BTBD3: variants seen among roughly 807,000 people sequenced by gnomAD.
The protein encoded by BTBD3 is BTB/POZ domain-containing protein 3.
BTBD3 carries 14 observed loss-of-function variants against 41.6 expected under a neutral mutation model. The ratio of observed to expected loss-of-function variants is 0.34; its 90% CI spans 0.22 to 0.53. The LOEUF (loss-of-function observed/expected upper bound fraction) is 0.53. BTBD3 is among the 20% of genes least tolerant of loss of function. The pLI, the probability that BTBD3 is intolerant of heterozygous loss-of-function variation, is 0.95. For missense variants in BTBD3, 426 were observed against 654.7 expected, an observed-to-expected ratio of 0.65 and a Z score of 3.81; for synonymous variants, 249 against 233.7, an observed-to-expected ratio of 1.07 and a Z score of -0.60.
chr20:11,891,452 CT>C (rs1228584763), intron 1 of BTBD3: 1 of 151,858 alleles, frequency 6.6e-6, no homozygotes, highest in East Asian at 2.0e-4. Flanking sequence ...CCCTAAGTAA[CT>C]TTCCTGAGGC....
At chr20:11,911,217 T>C (rs1415322783) in intron 1 of BTBD3, among the ~76,000 whole-genome samples, 1 of 152,070 alleles carries the variant, frequency 6.6e-6, no homozygotes, top group East Asian at 1.9e-4. Flanking sequence ...TTCAGAGATG[T>C]TAAAGTGGCG....
upstream of BTBD3, chr20:11,913,243 G>A (rs1052953996): frequency 2.6e-5 from 4 of 152,186 alleles, no homozygotes; most frequent in Non-Finnish European, 5.9e-5. Context: ...AACAAGAGTT[G>A]CCAGCATTAT....
intron 1 of BTBD3, chr20:11,891,453 T>C (rs1274507075): frequency 1.3e-5 from 2 of 151,362 alleles, no homozygotes; most frequent in African/African-American, 2.4e-5. Context: ...CCTAAGTAAC[T>C]TTCCTGAGGC....
upstream of BTBD3, among the ~76,000 whole-genome samples, chr20:11,913,921 A>C (rs1346327502): frequency 6.6e-6 from 1 of 152,208 alleles, no homozygotes; most frequent in East Asian, 1.9e-4. Flanking sequence ...AATCAACTGA[A>C]ACACACTATT....
chr20:11,924,736 T>C lies in BTBD3; in HGVS notation c.*1070T>C, dbSNP rs1357050391. 1 of 152,664 alleles carries C rather than the reference T, an allele frequency of 6.6e-6. No individual in the cohort carries two copies. Among genetic ancestry groups the C allele is most frequent in the Non-Finnish European group, 1.5e-5 (1 of 68,042 alleles). The allele number at this position is 152,664 out of a possible 1,614,324, so 9.5% of individuals were successfully genotyped here. On this transcript the variant is annotated 3_prime_UTR_variant, in exon 4 of 4. Transcript: ENST00000378226. ...TTTTAAATTTGAAATATACTTTACC[T>C]GATCCACTTTGATTGTATACTATAT...
chr20:11,894,859 G>T (rs2056777248), intron 1 of BTBD3, among the ~76,000 whole-genome samples: 2 of 152,166 alleles, frequency 1.3e-5, no homozygotes, highest in African/African-American at 4.8e-5. Context: ...TGGGGAGGAA[G>T]ACTAAGGCGT....
intron 1 of BTBD3, among the ~76,000 whole-genome samples, chr20:11,891,974 T>C (rs2056757449): frequency 6.6e-6 from 1 of 152,180 alleles, no homozygotes; most frequent in Admixed American, 6.5e-5. Flanking sequence ...ACACAGTGTA[T>C]TTTTTAAAGA....
At chr20:11,921,016 C>T (rs184761218) in intron 3 of BTBD3, among the ~76,000 whole-genome samples, 24 of 152,302 alleles carry the variant, frequency 1.6e-4, no homozygotes, top group Admixed American at 3.3e-4. Flanking sequence ...GTAAACTAAT[C>T]TGCTACTTTT....
rs138358786 is a variant in BTBD3 at position 11,906,852 on chromosome 20, C to G, written c.-125-11482C>G. Among the ~76,000 whole-genome samples, 901 of 152,270 alleles carry G rather than the reference C, an allele frequency of 5.9e-3. 3 individuals are homozygous for G. Among genetic ancestry groups the G allele is most frequent in the Non-Finnish European group, 0.01 (698 of 68,014 alleles). ...TACTTTGTTTGAAGACTGGGTGTGTCTAATGTAGTGGAAATTCATCGATTC... is the reference window on the plus strand; with the variant it reads ...TACTTTGTTTGAAGACTGGGTGTGTGTAATGTAGTGGAAATTCATCGATTC... On this transcript the variant is annotated intron_variant, in intron 1 of 4. Coordinates refer to the BTBD3 transcript ENST00000254977.
chr20:11,920,191 G>A (rs1397566057), intron 3 of BTBD3, among the ~76,000 whole-genome samples: 3 of 152,188 alleles, frequency 2.0e-5, no homozygotes, highest in Admixed American at 2.0e-4. Context: ...TTAAACAAAT[G>A]TTTTTGCTTC....
intron 1 of BTBD3, among the ~76,000 whole-genome samples, chr20:11,895,946 GTTCT>G (rs1480044154): frequency 1.3e-5 from 2 of 152,130 alleles, no homozygotes; most frequent in East Asian, 3.9e-4. Flanking sequence ...TTCCATTACA[GTTCT>G]TTAAGTCCTT....
At chr20:11,895,545 C>G (rs2056781702) in intron 1 of BTBD3, among the ~76,000 whole-genome samples, 2 of 152,238 alleles carry the variant, frequency 1.3e-5, no homozygotes, top group Admixed American at 1.3e-4. Flanking sequence ...AAGTTTTGCA[C>G]TGAGGAAAGA....
At chr20:11,890,964 G>A (rs1053575571) in intron 1 of BTBD3, 4 of 983,040 alleles carry the variant, frequency 4.1e-6, no homozygotes, top group Admixed American at 6.2e-5. Flanking sequence ...GGTGAGTGAG[G>A]GCGCCGCGGG....
rs1228186693 is a variant in BTBD3, at chr20:11,924,427, T to A, written c.*761T>A. The A allele has an allele frequency of 6.6e-6, 1 of 152,352 alleles. No individual in the cohort carries two copies. Among genetic ancestry groups the A allele is most frequent in the East Asian group, 1.9e-4 (1 of 5,194 alleles). The allele number at this position is 152,352 out of a possible 1,614,324, so 9.4% of individuals were successfully genotyped here. A position where few individuals can be genotyped will look rare whatever the true frequency, so the allele number is the denominator to read the frequency against. Reference sequence around the variant, plus strand: ...TGTCAGTAGAAAAAAGTTAAACTCCTACTAATTTAAACTAAGACAGTTTAA... The same window carrying A: ...TGTCAGTAGAAAAAAGTTAAACTCCAACTAATTTAAACTAAGACAGTTTAA... On this transcript the variant is annotated 3_prime_UTR_variant, in exon 4 of 4. Transcript: ENST00000378226.
upstream of BTBD3, chr20:11,913,255 A>C (rs889669081): frequency 2.0e-5 from 3 of 152,204 alleles, no homozygotes; most frequent in Non-Finnish European, 4.4e-5. Context: ...CAGCATTATT[A>C]GTTGTTGACA....
rs959995763 is a variant in BTBD3 at position 11,918,363 on chromosome 20, T to C, written c.88T>C (p.Ser30Pro). 13 of 1,614,010 alleles carry C rather than the reference T, an allele frequency of 8.1e-6. No individual in the cohort carries two copies. In the Admixed American group the frequency reaches 8.3e-5, roughly 10 times the overall value. The change falls in exon 1 of 4, where the codon TCA becomes CCA. Residue 30 changes from serine to proline, a missense_variant. By Grantham distance (74) the Ser-to-Pro change is moderately conservative. Transcript: ENST00000378226. ...ETVKNRSKKS[S>P]KKANTSSSSS... is the part of the protein sequence containing the mutation. ...GGTAAAGAACAGGTCCAAGAAAAGCTCAAAGAAAGCAAATACCAGCAGCAG... is the reference window on the plus strand; with the variant it reads ...GGTAAAGAACAGGTCCAAGAAAAGCCCAAAGAAAGCAAATACCAGCAGCAG...
chr20:11,891,099 C>A (rs1205890500), intron 1 of BTBD3: 1 of 503,148 alleles, frequency 2.0e-6, no homozygotes, highest in South Asian at 8.4e-5. Flanking sequence ...GCAGGTCGGC[C>A]TCGGACCCAC....
intron 1 of BTBD3, among the ~76,000 whole-genome samples, chr20:11,897,484 CAAA>C (rs71186168): frequency 2.9e-4 from 19 of 65,380 alleles, no homozygotes; most frequent in African/African-American, 4.2e-4. Flanking sequence ...GTTATTTAAG[CAAA>C]AAAAAAAAAA....
At chr20:11,919,533 A>G in intron 2 of BTBD3, 185 bp from the exon 3 acceptor site, 1 of 1,169,386 alleles carries the variant, frequency 8.6e-7, no homozygotes, top group South Asian at 1.7e-5. Flanking sequence ...AAGCTTTGAA[A>G]TAATTAGCAG....
Sources: allele counts gnomAD v4.1 joint callset (sites outside exome capture counted in the v4.1 genomes callset), GRCh38; gene constraint gnomAD v4.1.1; transcripts MANE v1.5; gene names NCBI Gene and HGNC (gene_info 2026-07-23, HGNC 2026-07-21).